Variants in CNTNAP2 observed in about 807,000 individuals in gnomAD.
CNTNAP2 encodes contactin-associated protein-like 2.
Under a neutral mutation model 155.2 loss-of-function variants are expected in CNTNAP2, and 98 were observed. The ratio of observed to expected loss-of-function variants is 0.63; its 90% CI spans 0.54 to 0.75. The LOEUF is 0.75. Ranked by LOEUF, CNTNAP2 falls within the 30% of genes least tolerant of loss-of-function variation. The pLI is 0.00. For missense variants in CNTNAP2, 1,727 were observed against 1,688.1 expected, an observed-to-expected ratio of 1.02 and a Z score of -0.40; for synonymous variants, 651 against 631.2, an observed-to-expected ratio of 1.03 and a Z score of -0.47.
At chr7:146,493,042 A>G (rs1000635764) in intron 1 of CNTNAP2, among the ~76,000 whole-genome samples, 1 of 152,216 alleles carries the variant, frequency 6.6e-6, no homozygotes, top group African/African-American at 2.4e-5. Flanking sequence ...ATCCAGGCAG[A>G]CATATCTAAA....
chr7:147,780,397 T>A (rs1797645417), intron 13 of CNTNAP2, among the ~76,000 whole-genome samples: 1 of 152,196 alleles, frequency 6.6e-6, no homozygotes, highest in Non-Finnish European at 1.5e-5. Context: ...AATTTAAAAA[T>A]TAACAGGTTT....
intron 1 of CNTNAP2, among the ~76,000 whole-genome samples, chr7:146,682,882 T>G (rs1310601041): frequency 6.6e-6 from 1 of 152,156 alleles, no homozygotes; most frequent in Non-Finnish European, 1.5e-5. Context: ...TGCACTGGAT[T>G]GTTTCATCCT....
intron 13 of CNTNAP2, among the ~76,000 whole-genome samples, chr7:147,861,505 A>G (rs1418304085): frequency 6.6e-6 from 1 of 152,222 alleles, no homozygotes; most frequent in African/African-American, 2.4e-5. Context: ...ACTTTGTCCT[A>G]AAGACTGATG....
chr7:147,941,277 T>C (rs1010283633), intron 14 of CNTNAP2, among the ~76,000 whole-genome samples: 4 of 152,108 alleles, frequency 2.6e-5, no homozygotes, highest in South Asian at 2.1e-4. Flanking sequence ...AAGCTAGGAA[T>C]TGCGTGTGTA....
intron 8 of CNTNAP2, among the ~76,000 whole-genome samples, chr7:147,258,991 C>T (rs776917809): frequency 6.6e-6 from 1 of 152,030 alleles, no homozygotes; most frequent in Non-Finnish European, 1.5e-5. Flanking sequence ...ATGAATAAAG[C>T]AGATGGAAGT....
chr7:147,655,365 C>A (rs766364166), intron 13 of CNTNAP2, among the ~76,000 whole-genome samples: 2 of 152,132 alleles, frequency 1.3e-5, no homozygotes, highest in African/African-American at 2.4e-5. Context: ...TCAGGTGATC[C>A]GCCCATCTTG....
At chr7:146,838,298 A>G (rs1803655321) in intron 2 of CNTNAP2, among the ~76,000 whole-genome samples, 1 of 152,026 alleles carries the variant, frequency 6.6e-6, no homozygotes, top group African/African-American at 2.4e-5. Flanking sequence ...AGTCCCTAAA[A>G]CAGTGATTTT....
intron 2 of CNTNAP2, among the ~76,000 whole-genome samples, chr7:146,814,979 T>C (rs1803137311): frequency 6.6e-6 from 1 of 152,178 alleles, no homozygotes. Flanking sequence ...ATAGAAATAA[T>C]TTTCCTTTAT....
chr7:147,538,817 A>C (rs1799592893), intron 11 of CNTNAP2, among the ~76,000 whole-genome samples: 2 of 151,926 alleles, frequency 1.3e-5, no homozygotes, highest in Non-Finnish European at 2.9e-5. Context: ...TTCTCTACTT[A>C]GTTTCATCAA....
At chr7:147,577,748 G>T (rs1397366025) in intron 12 of CNTNAP2, among the ~76,000 whole-genome samples, 5 of 151,738 alleles carry the variant, frequency 3.3e-5, no homozygotes, top group Non-Finnish European at 7.4e-5. Context: ...AAAAAAATGA[G>T]TTAAATATCA....
chr7:146,364,454 C>A (rs1795127534), intron 1 of CNTNAP2, among the ~76,000 whole-genome samples: 1 of 151,978 alleles, frequency 6.6e-6, no homozygotes, highest in African/African-American at 2.4e-5. Context: ...CTATTTTTTT[C>A]AATTGCTTTA....
intron 1 of CNTNAP2, among the ~76,000 whole-genome samples, chr7:146,770,189 C>T (rs1802267519): frequency 6.6e-6 from 1 of 151,754 alleles, no homozygotes; most frequent in Admixed American, 6.6e-5. Context: ...TGTTTAATTA[C>T]TTTTTGTGGA....
At chr7:147,494,056 A>T (rs1798652924) in intron 11 of CNTNAP2, among the ~76,000 whole-genome samples, 1 of 151,994 alleles carries the variant, frequency 6.6e-6, no homozygotes. Context: ...AAGCATTGGG[A>T]GCTAAGGGAA....
At chr7:147,824,008 A>G (rs962305661) in intron 13 of CNTNAP2, among the ~76,000 whole-genome samples, 1 of 152,176 alleles carries the variant, frequency 6.6e-6, no homozygotes, top group Non-Finnish European at 1.5e-5. Context: ...CAAGGCATTC[A>G]GAAGGTGTAT....
chr7:146,390,835 G>A (rs1043973336), intron 1 of CNTNAP2, among the ~76,000 whole-genome samples: 6 of 138,458 alleles, frequency 4.3e-5, no homozygotes, highest in South Asian at 4.7e-4. Context: ...TTGGGAGGCC[G>A]AGGTGGGCGG....
At chr7:147,479,323 A>C (rs1428839558) in intron 10 of CNTNAP2, among the ~76,000 whole-genome samples, 1 of 152,194 alleles carries the variant, frequency 6.6e-6, no homozygotes, top group African/African-American at 2.4e-5. Flanking sequence ...TCATTTGCTA[A>C]TTATGTTTGC....
intron 9 of CNTNAP2, among the ~76,000 whole-genome samples, chr7:147,364,851 G>GAA (rs548055443): frequency 3.6e-5 from 5 of 139,318 alleles, no homozygotes; most frequent in African/African-American, 5.2e-5. Context: ...TCAGTCTCGG[G>GAA]AAAAAAAAAA....
chr7:146,775,448 T>A (rs1461086603), intron 2 of CNTNAP2, among the ~76,000 whole-genome samples: 1 of 151,672 alleles, frequency 6.6e-6, no homozygotes, highest in Non-Finnish European at 1.5e-5. Flanking sequence ...TGCACCTTAA[T>A]ACAGCTAAAG....
intron 15 of CNTNAP2, among the ~76,000 whole-genome samples, chr7:148,106,493 G>GATAGATAGATAGATAGATAGATATATAT (rs1490418389): frequency 8.0e-6 from 1 of 124,912 alleles, no homozygotes; most frequent in African/African-American, 3.4e-5. Context: ...CACACTTTGA[G>GATAGATAGATAGATAGATAGATATATAT]ATATATATAT....
Sources: gnomAD v4.1 joint callset for allele counts (sites outside exome capture counted in the v4.1 genomes callset) on GRCh38, gnomAD v4.1.1 for gene constraint, MANE v1.5 for transcripts, NCBI Gene and HGNC (gene_info 2026-07-23, HGNC 2026-07-21) for gene names.